The following SNTB1 variants were observed in gnomAD, a reference collection of about 807,000 sequenced individuals.
SNTB1 encodes syntrophin beta 1.
In SNTB1, 36 loss-of-function variants were observed where a neutral mutation model predicts 48.9. That is an observed-to-expected ratio of 0.74 (90% CI 0.56 to 0.97). The LOEUF is 0.97. Among genes scored for constraint, SNTB1 ranks in the 50% least tolerant of loss-of-function variants. The pLI is 0.00. For missense variants in SNTB1, 786 were observed against 703.4 expected, an observed-to-expected ratio of 1.12 and a Z score of -1.33; for synonymous variants, 299 against 294.6, an observed-to-expected ratio of 1.01 and a Z score of -0.15.
intron 3 of SNTB1, among the ~76,000 whole-genome samples, chr8:120,622,338 A>G (rs1816807372): frequency 6.6e-6 from 1 of 152,198 alleles, no homozygotes; most frequent in African/African-American, 2.4e-5. Context: ...AATAAAATCA[A>G]TATTTTAAAA....
intron 2 of SNTB1, among the ~76,000 whole-genome samples, chr8:120,649,815 C>T (rs542674214): frequency 1.6e-4 from 24 of 152,210 alleles, no homozygotes; most frequent in African/African-American, 3.6e-4. Flanking sequence ...TAGCAATCAG[C>T]GAGACTCCGT....
At chr8:120,583,430 T>C (rs2130697951) in intron 3 of SNTB1, among the ~76,000 whole-genome samples, 1 of 151,774 alleles carries the variant, frequency 6.6e-6, no homozygotes, top group South Asian at 2.1e-4. Flanking sequence ...GAGAATTGCT[T>C]GAACCCAGGG....
At chr8:120,712,925 G>A (rs763055887) in intron 1 of SNTB1, among the ~76,000 whole-genome samples, 22 of 152,072 alleles carry the variant, frequency 1.4e-4, no homozygotes, top group Admixed American at 5.9e-4. Flanking sequence ...TACACATGCC[G>A]CACACCTGTG....
At chr8:120,650,985 T>C (rs1817403181) in intron 2 of SNTB1, among the ~76,000 whole-genome samples, 1 of 152,234 alleles carries the variant, frequency 6.6e-6, no homozygotes, top group African/African-American at 2.4e-5. Flanking sequence ...TCGATTTCTT[T>C]ATCTGTAGAA....
At chr8:120,737,459 G>A (rs372515404) in intron 1 of SNTB1, among the ~76,000 whole-genome samples, 1 of 152,172 alleles carries the variant, frequency 6.6e-6, no homozygotes, top group Non-Finnish European at 1.5e-5. Context: ...AAAGTCATTT[G>A]TCATTTCTAA....
intron 3 of SNTB1, among the ~76,000 whole-genome samples, chr8:120,601,858 G>A (rs377240213): frequency 5.3e-4 from 80 of 152,246 alleles, no homozygotes; most frequent in African/African-American, 1.6e-3. Context: ...CAGTCATCCC[G>A]GGCTTGGCTT....
chr8:120,802,490 A>G (rs1208606617), intron 1 of SNTB1, among the ~76,000 whole-genome samples: 1 of 152,132 alleles, frequency 6.6e-6, no homozygotes, highest in Middle Eastern at 3.2e-3. Flanking sequence ...AAAACATCTG[A>G]TGCTGCTTAA....
chr8:120,717,998 C>G (rs1049856388), intron 1 of SNTB1, among the ~76,000 whole-genome samples: 15 of 152,182 alleles, frequency 9.9e-5, no homozygotes, highest in African/African-American at 3.6e-4. Flanking sequence ...AGGCCTTTGT[C>G]CCTTTTATTC....
intron 3 of SNTB1, among the ~76,000 whole-genome samples, chr8:120,616,517 C>T (rs1816718523): frequency 7.0e-6 from 1 of 143,648 alleles, no homozygotes; most frequent in Non-Finnish European, 1.5e-5. Flanking sequence ...GCTCTTGATA[C>T]ATTGCCCCAG....
At chr8:120,613,521 A>T (rs998196727) in intron 3 of SNTB1, among the ~76,000 whole-genome samples, 1 of 152,112 alleles carries the variant, frequency 6.6e-6, no homozygotes. Flanking sequence ...CCATCCCACC[A>T]TCTCCTCTCC....
chr8:120,640,633 T>C (rs1051169822), intron 2 of SNTB1, among the ~76,000 whole-genome samples: 1 of 152,254 alleles, frequency 6.6e-6, no homozygotes, highest in Non-Finnish European at 1.5e-5. Context: ...TCTATTGAGA[T>C]AACCATGTGG....
chr8:120,604,850 A>C (rs926833154), intron 3 of SNTB1, among the ~76,000 whole-genome samples: 1 of 152,244 alleles, frequency 6.6e-6, no homozygotes, highest in African/African-American at 2.4e-5. Flanking sequence ...CCTGGTAAAA[A>C]GATATAAACC....
chr8:120,687,175 C>T (rs1818048595), intron 2 of SNTB1, among the ~76,000 whole-genome samples: 1 of 152,172 alleles, frequency 6.6e-6, no homozygotes, highest in African/African-American at 2.4e-5. Flanking sequence ...AAAGGCTGAA[C>T]TGGTAAAATG....
intron 2 of SNTB1, among the ~76,000 whole-genome samples, chr8:120,682,451 C>G (rs1441569945): frequency 6.6e-6 from 1 of 152,122 alleles, no homozygotes; most frequent in Non-Finnish European, 1.5e-5. Context: ...CCATTTAGTA[C>G]TTGTTTCCTA....
At chr8:120,687,792 G>C (rs1403200948) in intron 2 of SNTB1, among the ~76,000 whole-genome samples, 3 of 152,296 alleles carry the variant, frequency 2.0e-5, no homozygotes, top group African/African-American at 4.8e-5. Flanking sequence ...ATCCTCCCAC[G>C]TGGGCATTTC....
chr8:120,625,969 A>G (rs1816867546), intron 3 of SNTB1, among the ~76,000 whole-genome samples: 1 of 152,128 alleles, frequency 6.6e-6, no homozygotes, highest in Admixed American at 6.5e-5. Flanking sequence ...GAGGCTCCAA[A>G]AATATCATTC....
At chr8:120,695,545 C>T (rs898794843) in intron 1 of SNTB1, among the ~76,000 whole-genome samples, 8 of 152,172 alleles carry the variant, frequency 5.3e-5, no homozygotes, top group Admixed American at 3.9e-4. Flanking sequence ...TAAGATAGGA[C>T]ATAAGACAAA....
Position 120,808,546 on chromosome 8 carries a change from AAACT to A in SNTB1, c.571+2723_571+2726del, listed in dbSNP as rs773128721. On this transcript the variant is annotated intron_variant, in intron 1 of 6. Coordinates refer to ENST00000517992, the MANE Select transcript of SNTB1 (RefSeq NM_021021.4). ...TCATGTTCATTTCATTTGAATTGTA[AAACT>A]AACTACTTCCAGCGGATATTTGATA... 3.7e-4 allele frequency among the ~76,000 whole-genome samples: 57 copies of A among 152,334 alleles called. 1 individual carries two copies. In the East Asian group the frequency reaches 9.7e-3, roughly 26 times the overall value.
At chr8:120,548,610 T>G (rs1815422772) in intron 5 of SNTB1, 152 bp downstream of exon 5, 1 of 670,404 alleles carries the variant, frequency 1.5e-6, no homozygotes, top group Non-Finnish European at 2.6e-6. Flanking sequence ...TAGTAGGGTA[T>G]AGACCTCCTT....
Sources: allele counts gnomAD v4.1 joint callset (sites outside exome capture counted in the v4.1 genomes callset), GRCh38; gene constraint gnomAD v4.1.1; transcripts MANE v1.5; gene names NCBI Gene and HGNC (gene_info 2026-07-23, HGNC 2026-07-21).